The following DDX4 variants were observed in gnomAD, a reference collection of about 807,000 sequenced individuals.
DDX4 encodes DEAD-box helicase 4.
In DDX4, 25 loss-of-function variants were observed where a neutral mutation model predicts 100.0. The ratio of observed to expected loss-of-function variants is 0.25; its 90% confidence interval spans 0.18 to 0.35. DDX4 has a LOEUF of 0.35. Ranked by LOEUF, DDX4 falls within the 10% of genes least tolerant of loss-of-function variation. DDX4 has a pLI of 1.00. For synonymous variants in DDX4, 259 were observed against 275.7 expected, an observed-to-expected ratio of 0.94 and a Z score of 0.60; for missense variants, 635 against 882.4, an observed-to-expected ratio of 0.72 and a Z score of 3.55.
At position 55,790,666 on chromosome 5, in the gene DDX4, T is replaced by C; in HGVS notation, c.1263T>C (p.Ala421=). The change falls in exon 16 of 22, where the codon GCT becomes GCC. Residue 421 remains alanine (A), a synonymous_variant. Transcript: ENST00000505374. ...QIVQGCNILC[A]TPGRLMDIIG... Reference sequence around the variant, plus strand: ...TACAAGGCTGTAATATATTATGTGCTACTCCTGGAAGACTGATGGATATCA... The same window carrying C: ...TACAAGGCTGTAATATATTATGTGCCACTCCTGGAAGACTGATGGATATCA... 2 of 1,611,654 alleles carry C rather than the reference T, an allele frequency of 1.2e-6. No homozygotes were observed. The highest frequency in any genetic ancestry group is 1.1e-5 in the South Asian group (1 of 91,012).
chr5:55,812,592 C>CAA (rs879325931), intron 18 of DDX4, among the ~76,000 whole-genome samples: 1 of 138,532 alleles, frequency 7.2e-6, no homozygotes. Flanking sequence ...GACTGCGTCT[C>CAA]AAAAAAAAAA....
intron 12 of DDX4, 41 bp from the exon 13 acceptor site, chr5:55,785,688 G>A (rs367764274): frequency 4.1e-5 from 64 of 1,553,422 alleles, no homozygotes; most frequent in Non-Finnish European, 5.6e-5. Flanking sequence ...TTTTCTTGTA[G>A]TCTCTGTAAC....
intron 18 of DDX4, among the ~76,000 whole-genome samples, chr5:55,810,769 G>A (rs1456670661): frequency 6.6e-6 from 1 of 152,026 alleles, no homozygotes; most frequent in Non-Finnish European, 1.5e-5. Context: ...AGTTTTCTGG[G>A]TGAATTTCTT....
rs1389783756 is a variant in DDX4, at chr5:55,781,978, C to A, written c.622C>A (p.Arg208=). The part of the protein sequence containing the change: ...SQSRSGSGSE[R]GGYKGLNEEV... ...AAGCAGAAGTGGCAGTGGAAGTGAA[C>A]GAGGTAAGTTCTTATTTTGTTTACC... The change falls in exon 10 of 22, where the codon CGA becomes AGA. Residue 208 remains arginine, a synonymous_variant. Coordinates refer to ENST00000505374, the MANE Select transcript of DDX4 (RefSeq NM_024415.3). 6.2e-7 allele frequency: 1 copy of A among 1,613,872 alleles called. No homozygotes were observed. The highest frequency in any genetic ancestry group is 8.5e-7 in the Non-Finnish European group (1 of 1,179,912).
intron 3 of DDX4, among the ~76,000 whole-genome samples, chr5:55,756,189 G>T (rs575432830): frequency 6.6e-6 from 1 of 152,088 alleles, no homozygotes; most frequent in Non-Finnish European, 1.5e-5. Flanking sequence ...TCTTTCGGTG[G>T]ATATAAAAAT....
chr5:55,772,361 C>T (rs141003007), intron 7 of DDX4, among the ~76,000 whole-genome samples: 35 of 152,206 alleles, frequency 2.3e-4, no homozygotes, highest in African/African-American at 7.9e-4. Flanking sequence ...ACAGGGCTGC[C>T]TTTGTCCTAA....
Position 55,786,499 on chromosome 5 carries a change from C to A in DDX4, c.865-19C>A. ...TATGATATATAGAATGTAATCACTG[C>A]TTTTTTTTAAATTTTCAGACTTTTG... On this transcript the variant is annotated intron_variant, in intron 13 of 21. Coordinates refer to ENST00000505374, the MANE Select transcript of DDX4 (RefSeq NM_024415.3). 1 of 1,591,888 alleles carries A rather than the reference C, an allele frequency of 6.3e-7. No homozygotes were observed. Among genetic ancestry groups the A allele is most frequent in the Non-Finnish European group, 8.6e-7 (1 of 1,162,220 alleles).
intron 18 of DDX4, among the ~76,000 whole-genome samples, chr5:55,809,830 T>G (rs1198494435): frequency 6.6e-6 from 1 of 152,198 alleles, no homozygotes; most frequent in African/African-American, 2.4e-5. Context: ...AGAGGTAAGG[T>G]TAGAGACGTT....
chr5:55,808,613 C>T lies in DDX4; in HGVS notation c.1616-5060C>T, dbSNP rs188721867. 4.1e-3 allele frequency among the ~76,000 whole-genome samples: 621 copies of T among 152,330 alleles called. 5 individuals carry two copies. The highest frequency in any genetic ancestry group is 0.014 in the African/African-American group (594 of 41,568). On this transcript the variant is annotated intron_variant, in intron 18 of 21. Coordinates refer to ENST00000505374, the MANE Select transcript of DDX4 (RefSeq NM_024415.3). The stretch of plus-strand genomic sequence containing the variant: ...ACCTTGTTTGCCTGGGTATCAGCAG[C>T]GGAGGCTGCAGAACAGCAGATATTG...
In DDX4 at chr5:55,792,788, T is replaced by G; in HGVS notation, c.1450T>G (p.Phe484Val). The G allele has an allele frequency of 7.0e-7, 1 of 1,430,832 alleles. No individual in the cohort carries two copies. The highest frequency in any genetic ancestry group is 9.2e-7 in the Non-Finnish European group (1 of 1,088,792). 88.6% of individuals were successfully genotyped at this position (1,430,832 alleles called of 1,614,324 possible). Residue 484 changes from phenylalanine to valine, a missense_variant, in exon 17 of 22, where the codon TTT becomes GTT. Phe to Val is a conservative substitution (Grantham distance 50). This residue lies in a region of DDX4 where 115 missense variants were observed against 224.7 expected (regional missense o/e 0.51). Coordinates refer to ENST00000505374, the MANE Select transcript of DDX4 (RefSeq NM_024415.3). ...CCAAACCCTTATGTTCAGTGCAACT[T>G]TTCCAGAGGAAATTCAAAGGTTAAG... ...QRQTLMFSAT[F>V]PEEIQRLAAE...
At chr5:55,742,338 A>G in intron 2 of DDX4, 1 of 388,172 alleles carries the variant, frequency 2.6e-6, no homozygotes, top group Non-Finnish European at 5.4e-6. Flanking sequence ...CTGTATAGTG[A>G]TCACTTCTGT....
intron 13 of DDX4, among the ~76,000 whole-genome samples, 157 bp downstream of exon 13, chr5:55,786,028 A>G (rs67211094): frequency 0.058 from 8,864 of 152,306 alleles, 345 homozygotes; most frequent in African/African-American, 0.11. Context: ...CATCTATAAT[A>G]GAATTAATTG....
chr5:55,808,835 T>G (rs924722064), intron 18 of DDX4, among the ~76,000 whole-genome samples: 1 of 152,220 alleles, frequency 6.6e-6, no homozygotes, highest in African/African-American at 2.4e-5. Context: ...CACTACTCTC[T>G]TCAAGGCTGT....
chr5:55,785,647 T>A, intron 12 of DDX4, 82 bp from the exon 13 acceptor site: 1 of 1,350,386 alleles, frequency 7.4e-7, no homozygotes, highest in Non-Finnish European at 1.0e-6. Flanking sequence ...TAAAATTTGA[T>A]CTTGTCAATT....
intron 17 of DDX4, among the ~76,000 whole-genome samples, chr5:55,796,619 G>C (rs1166354195): frequency 6.6e-6 from 1 of 151,830 alleles, no homozygotes; most frequent in East Asian, 1.9e-4. Flanking sequence ...TTCTTACCTG[G>C]AGTCGTGTGT....
chr5:55,765,713 C>T (rs1740875367), intron 6 of DDX4, among the ~76,000 whole-genome samples: 1 of 151,974 alleles, frequency 6.6e-6, no homozygotes, highest in Admixed American at 6.6e-5. Context: ...ATAATGATGA[C>T]TATATCTACT....
chr5:55,743,328 T>C (rs1406617359), intron 2 of DDX4, among the ~76,000 whole-genome samples: 1 of 152,202 alleles, frequency 6.6e-6, no homozygotes, highest in Non-Finnish European at 1.5e-5. Flanking sequence ...CTCTCTATTA[T>C]AAGGACACTT....
intron 18 of DDX4, among the ~76,000 whole-genome samples, chr5:55,800,220 G>C (rs1485909063): frequency 6.6e-6 from 1 of 152,032 alleles, no homozygotes; most frequent in Non-Finnish European, 1.5e-5. Context: ...ATATAGAGAG[G>C]TCAAATAACT....
At chr5:55,803,418 G>C (rs1240750863) in intron 18 of DDX4, among the ~76,000 whole-genome samples, 1 of 149,482 alleles carries the variant, frequency 6.7e-6, no homozygotes, top group African/African-American at 2.5e-5. Context: ...CTGGTGAGCT[G>C]CACCCACTAA....
Sources: gnomAD v4.1 joint callset for allele counts (sites outside exome capture counted in the v4.1 genomes callset) on GRCh38, gnomAD v4.1.1 for gene constraint, gnomAD v4.1.1 regional missense constraint, MANE v1.5 for transcripts, NCBI Gene and HGNC (gene_info 2026-07-23, HGNC 2026-07-21) for gene names.